SH3RF1: variants seen among roughly 807,000 people sequenced by gnomAD.
The protein encoded by SH3RF1 is E3 ubiquitin-protein ligase SH3RF1.
In SH3RF1, 32 loss-of-function variants were observed where a neutral mutation model predicts 74.0. The observed-to-expected ratio is 0.43, with a 90% CI of 0.33 to 0.58. The LOEUF (loss-of-function observed/expected upper bound fraction) is 0.58. SH3RF1 is among the 20% of genes least tolerant of loss of function. The pLI, the probability that SH3RF1 is intolerant of heterozygous loss-of-function variation, is 0.05. For missense variants in SH3RF1, 954 were observed against 1,130.9 expected (o/e 0.84, Z 2.24); for synonymous variants, 396 against 439.6 (o/e 0.90, Z 1.24).
At chr4:169,133,864 G>C (rs933461247) in intron 5 of SH3RF1, among the ~76,000 whole-genome samples, 3 of 152,174 alleles carry the variant, frequency 2.0e-5, no homozygotes, top group Non-Finnish European at 2.9e-5. Flanking sequence ...CAATAGCAGG[G>C]AACAGATTTA....
intron 2 of SH3RF1, chr4:169,166,875 C>A (rs1734254445): frequency 3.5e-6 from 1 of 287,188 alleles, no homozygotes; most frequent in Non-Finnish European, 6.6e-6. Flanking sequence ...TTGGTATCTG[C>A]AATGTAAAAA....
intron 2 of SH3RF1, among the ~76,000 whole-genome samples, chr4:169,248,373 A>T (rs1354373600): frequency 1.3e-5 from 2 of 152,202 alleles, no homozygotes; most frequent in African/African-American, 2.4e-5. Flanking sequence ...CATTCTCAGC[A>T]AACTAACACA....
chr4:169,194,309 C>G (rs1214070525), intron 2 of SH3RF1, among the ~76,000 whole-genome samples: 1 of 152,188 alleles, frequency 6.6e-6, no homozygotes, highest in African/African-American at 2.4e-5. Context: ...GGACAAGACA[C>G]AGAGTTTGCC....
intron 2 of SH3RF1, among the ~76,000 whole-genome samples, chr4:169,211,572 G>A (rs553302473): frequency 1.3e-5 from 2 of 151,856 alleles, no homozygotes; most frequent in Admixed American, 6.6e-5. Context: ...GCAGGTTATC[G>A]CAATAGCACT....
intron 2 of SH3RF1, among the ~76,000 whole-genome samples, chr4:169,218,451 T>C (rs1417042422): frequency 1.4e-5 from 2 of 145,084 alleles, no homozygotes; most frequent in Non-Finnish European, 3.0e-5. Flanking sequence ...TAATACATGT[T>C]ATATAATATA....
At chr4:169,160,117 T>C (rs529158884) in intron 2 of SH3RF1, among the ~76,000 whole-genome samples, 1 of 152,318 alleles carries the variant, frequency 6.6e-6, no homozygotes, top group African/African-American at 2.4e-5. Flanking sequence ...TTTTTTTCCC[T>C]ACCTCAATTA....
At chr4:169,159,803 AT>A (rs1483718977) in intron 2 of SH3RF1, among the ~76,000 whole-genome samples, 1 of 152,170 alleles carries the variant, frequency 6.6e-6, no homozygotes. Flanking sequence ...TAGCAATTAC[AT>A]TTTTAATACA....
intron 4 of SH3RF1, among the ~76,000 whole-genome samples, chr4:169,140,612 A>G (rs918624462): frequency 9.2e-5 from 14 of 152,232 alleles, no homozygotes; most frequent in African/African-American, 3.1e-4. Context: ...GACAAAAATA[A>G]TATTAATAAA....
At chr4:169,210,013 C>T (rs1730332183) in intron 2 of SH3RF1, among the ~76,000 whole-genome samples, 1 of 152,122 alleles carries the variant, frequency 6.6e-6, no homozygotes, top group Non-Finnish European at 1.5e-5. Flanking sequence ...CCAGGCTGGT[C>T]TCAAACTCCT....
At chr4:169,123,373 G>A (rs1230849227) in intron 6 of SH3RF1, among the ~76,000 whole-genome samples, 2 of 152,170 alleles carry the variant, frequency 1.3e-5, no homozygotes, top group Admixed American at 1.3e-4. Context: ...GACGCACGCT[G>A]TAACTATTCG....
At chr4:169,129,254 C>CTTATA (rs1733573623) in intron 6 of SH3RF1, among the ~76,000 whole-genome samples, 1 of 152,222 alleles carries the variant, frequency 6.6e-6, no homozygotes, top group Non-Finnish European at 1.5e-5. Flanking sequence ...TAAGCCAAAG[C>CTTATA]TTTGGCCTGG....
intron 2 of SH3RF1, among the ~76,000 whole-genome samples, chr4:169,221,079 G>A (rs1459485138): frequency 2.0e-5 from 3 of 152,134 alleles, no homozygotes; most frequent in Admixed American, 6.6e-5. Context: ...GAAATGAGAG[G>A]CGCACATAGC....
chr4:169,192,897 T>TTA (rs1326588671), intron 2 of SH3RF1, among the ~76,000 whole-genome samples: 3 of 132,824 alleles, frequency 2.3e-5, no homozygotes, highest in Non-Finnish European at 4.9e-5. Context: ...TATGTTTCTT[T>TTA]TATATATATA....
chr4:169,116,382 C>A lies in SH3RF1; in HGVS notation c.2026G>T (p.Ala676Ser), dbSNP rs371472801. Residue 676 changes from alanine to serine, a missense_variant, in exon 10 of 12, where the codon GCT becomes TCT. By Grantham distance (99) the Ala-to-Ser change is moderately conservative. Coordinates refer to ENST00000284637, the MANE Select transcript of SH3RF1 (RefSeq NM_020870.4). ...SPSITSASLE[A>S]EPSGRIVTVL... Reference sequence around the variant, plus strand: ...GTCACTATCCGGCCACTGGGCTCAGCCTCCAGAGAAGCACTGGTGATGCTT... The same window carrying A: ...GTCACTATCCGGCCACTGGGCTCAGACTCCAGAGAAGCACTGGTGATGCTT... 4 of 1,614,100 alleles carry A rather than the reference C, an allele frequency of 2.5e-6. No homozygotes were observed. In the African/African-American group the frequency reaches 5.3e-5, roughly 22 times the overall value.
Position 169,155,927 on chromosome 4 carries a change from G to A in SH3RF1, c.670-352C>T, listed in dbSNP as rs567820083. On this transcript the variant is annotated intron_variant, in intron 3 of 11. Transcript: ENST00000284637. ...CTCATTTTCTGAAAATAAACCAAATGCCTACTCAAATGTACATCCTACCGC... is the reference window on the plus strand; with the variant it reads ...CTCATTTTCTGAAAATAAACCAAATACCTACTCAAATGTACATCCTACCGC... Among the ~76,000 whole-genome samples the A allele has an allele frequency of 3.3e-5, 5 of 152,190 alleles. No individual in the cohort carries two copies. The East Asian group carries it at 9.6e-4, about 29-fold the overall frequency.
At chr4:169,147,425 C>A (rs573141641) in intron 4 of SH3RF1, among the ~76,000 whole-genome samples, 44 of 152,232 alleles carry the variant, frequency 2.9e-4, no homozygotes, top group African/African-American at 1.0e-3. Context: ...AATCAGTGAA[C>A]AAGTATTTCC....
At chr4:169,196,378 C>G (rs1404043727) in intron 2 of SH3RF1, among the ~76,000 whole-genome samples, 1 of 152,160 alleles carries the variant, frequency 6.6e-6, no homozygotes, top group Admixed American at 6.5e-5. Flanking sequence ...CAAGGACCTG[C>G]TATATGTGTC....
At chr4:169,200,022 T>C (rs1305289151) in intron 2 of SH3RF1, among the ~76,000 whole-genome samples, 1 of 152,138 alleles carries the variant, frequency 6.6e-6, no homozygotes, top group Non-Finnish European at 1.5e-5. Flanking sequence ...AGTTATGTAC[T>C]ACATCAGTAT....
intron 11 of SH3RF1, among the ~76,000 whole-genome samples, chr4:169,106,484 A>G (rs1256361938): frequency 2.1e-5 from 3 of 143,040 alleles, no homozygotes; most frequent in Non-Finnish European, 4.6e-5. Context: ...TAAAAAAGGC[A>G]AAAAATTAAA....
Sources: gnomAD v4.1 joint callset for allele counts (sites outside exome capture counted in the v4.1 genomes callset) on GRCh38, gnomAD v4.1.1 for gene constraint, MANE v1.5 for transcripts, NCBI Gene and HGNC (gene_info 2026-07-23, HGNC 2026-07-21) for gene names.